RGS12: variants seen among roughly 807,000 people sequenced by gnomAD.
The protein encoded by RGS12 is regulator of G protein signaling 12.
Under a neutral mutation model 120.1 loss-of-function variants are expected in RGS12, and 66 were observed. That is an observed-to-expected ratio of 0.55 (90% CI 0.45 to 0.67). RGS12 has a LOEUF of 0.67. Ranked by LOEUF, RGS12 falls within the 30% of genes least tolerant of loss-of-function variation. The probability of loss-of-function intolerance (pLI) is 0.00; values close to 1 mark genes in which losing one functional copy is unlikely to be tolerated. For synonymous variants in RGS12, 827 were observed against 804.7 expected (o/e 1.03, Z -0.47); for missense variants, 1,859 against 1,957.7 (o/e 0.95, Z 0.95).
chr4:3,420,739 G>T (rs200901952), intron 10 of RGS12, 21 bp downstream of exon 10: 6 of 1,600,864 alleles, frequency 3.7e-6, no homozygotes, highest in African/African-American at 2.7e-5. Context: ...GTCTCCCCTC[G>T]TCCCACAGGC....
intron 2 of RGS12, among the ~76,000 whole-genome samples, chr4:3,331,498 C>T (rs771890318): frequency 1.4e-4 from 22 of 152,082 alleles, no homozygotes; most frequent in Non-Finnish European, 2.6e-4. Context: ...ACTGTACTTA[C>T]ATGGTGTAGC....
chr4:3,337,127 G>A (rs191539750), intron 2 of RGS12, among the ~76,000 whole-genome samples: 70 of 152,294 alleles, frequency 4.6e-4, no homozygotes, highest in Non-Finnish European at 8.8e-5. Context: ...TATTAGGCCA[G>A]CGCCAACTAA....
intron 2 of RGS12, chr4:3,324,201 C>G (rs1725405041): frequency 1.3e-5 from 2 of 153,328 alleles, no homozygotes; most frequent in Non-Finnish European, 2.9e-5. Context: ...GGGCTTGACG[C>G]CCTCGTCAGG....
chr4:3,402,781 A>C (rs1158869746), intron 4 of RGS12, among the ~76,000 whole-genome samples: 3 of 152,256 alleles, frequency 2.0e-5, no homozygotes, highest in African/African-American at 7.2e-5. Flanking sequence ...TATTTTATTC[A>C]TCAAAATGAA....
intron 4 of RGS12, among the ~76,000 whole-genome samples, chr4:3,401,187 C>T (rs1214009251): frequency 6.6e-6 from 1 of 152,084 alleles, no homozygotes; most frequent in Non-Finnish European, 1.5e-5. Context: ...TTTAAAAATT[C>T]GACAGACCAA....
intron 3 of RGS12, among the ~76,000 whole-genome samples, chr4:3,359,504 A>AAC (rs1715356752): frequency 7.4e-6 from 1 of 135,402 alleles, no homozygotes; most frequent in Non-Finnish European, 1.6e-5. Context: ...TGTTTGGTAG[A>AAC]ATTCACCAGT....
At chr4:3,329,687 T>G (rs1711623158) in intron 2 of RGS12, among the ~76,000 whole-genome samples, 1 of 152,248 alleles carries the variant, frequency 6.6e-6, no homozygotes, top group Non-Finnish European at 1.5e-5. Context: ...GACTGTTTAC[T>G]TAGAAATGAC....
Position 3,422,513 on chromosome 4 carries a change from T to C in RGS12, c.2976T>C (p.Cys992=). ...TCAAAGACATCCTGTCCGGACTCTG[T>C]GAGCGGCATGGCATCAACGGGGCGG... The part of the protein sequence containing the change: ...FSIKDILSGL[C]ERHGINGAAA... Residue 992 remains cysteine, a synonymous_variant, in exon 11 of 18, where the codon TGT becomes TGC. Coordinates refer to ENST00000336727, the MANE Select transcript of RGS12 (RefSeq NM_001394154.1). The C allele has an allele frequency of 6.2e-7, 1 of 1,612,920 alleles. No individual in the cohort carries two copies.
chr4:3,293,442 G>A (rs2110340362), intron 1 of RGS12, among the ~76,000 whole-genome samples: 1 of 145,238 alleles, frequency 6.9e-6, no homozygotes, highest in East Asian at 2.0e-4. Context: ...CCGCGGGGGC[G>A]GCGCCGGGCA....
intron 3 of RGS12, among the ~76,000 whole-genome samples, chr4:3,362,615 GA>G (rs1348417058): frequency 2.2e-5 from 3 of 139,136 alleles, no homozygotes; most frequent in East Asian, 2.3e-4. Flanking sequence ...AGGATGTCGT[GA>G]GGGGGTGTGT....
intron 6 of RGS12, 27 bp from the exon 7 acceptor site, chr4:3,415,951 G>C: frequency 6.3e-7 from 1 of 1,588,074 alleles, no homozygotes; most frequent in Non-Finnish European, 8.6e-7. Context: ...AAGCCTTGCC[G>C]GGCTGCTCAG....
chr4:3,298,945 T>C (rs1211324405), intron 1 of RGS12, among the ~76,000 whole-genome samples: 1 of 152,248 alleles, frequency 6.6e-6, no homozygotes, highest in African/African-American at 2.4e-5. Flanking sequence ...TTTCAACACC[T>C]GCATTACCTC....
At chr4:3,375,213 C>T (rs918269413) in intron 3 of RGS12, among the ~76,000 whole-genome samples, 17 of 152,112 alleles carry the variant, frequency 1.1e-4, no homozygotes, top group East Asian at 3.9e-4. Flanking sequence ...TATGAGGAAA[C>T]GTTTCCCTGG....
At chr4:3,352,930 C>T (rs747401995) in intron 3 of RGS12, among the ~76,000 whole-genome samples, 8 of 152,222 alleles carry the variant, frequency 5.3e-5, no homozygotes, top group Non-Finnish European at 1.0e-4. Flanking sequence ...TTCTGTCTGA[C>T]AGACAAGAGT....
intron 7 of RGS12, among the ~76,000 whole-genome samples, chr4:3,416,492 G>A (rs1296981611): frequency 6.6e-6 from 1 of 152,224 alleles, no homozygotes; most frequent in Non-Finnish European, 1.5e-5. Context: ...TTAGGCCCCA[G>A]GCTATTCGAG....
chr4:3,414,221 G>A lies in RGS12; in HGVS notation c.2170G>A (p.Val724Ile), dbSNP rs147160362. 3.6e-5 allele frequency: 56 copies of A among 1,544,502 alleles called. No homozygotes were observed. In the East Asian group the frequency reaches 6.5e-4, roughly 18 times the overall value. ...VSFERLLQDP[V>I]GVRYFSDFLR... is the part of the protein sequence containing the mutation. The stretch of plus-strand genomic sequence containing the variant: ...CTTTGAGCGCCTGCTGCAGGACCCC[G>A]TCGGTGTCCGCTACTTCTCTGTGAG... Residue 724 changes from valine (V) to isoleucine (I), a missense_variant, in exon 5 of 18, where the codon GTC becomes ATC. Transcript: ENST00000336727.
At chr4:3,403,937 C>T (rs962734039) in intron 4 of RGS12, among the ~76,000 whole-genome samples, 1 of 152,172 alleles carries the variant, frequency 6.6e-6, no homozygotes, top group South Asian at 2.1e-4. Flanking sequence ...TTTCACACCC[C>T]AGTATGAGGC....
intron 3 of RGS12, among the ~76,000 whole-genome samples, chr4:3,377,881 G>T (rs1414381884): frequency 6.6e-6 from 1 of 152,174 alleles, no homozygotes; most frequent in Non-Finnish European, 1.5e-5. Flanking sequence ...GTTTACTTGA[G>T]TGTAAATTCC....
chr4:3,361,604 C>T (rs562378307), intron 3 of RGS12, among the ~76,000 whole-genome samples: 3 of 152,196 alleles, frequency 2.0e-5, no homozygotes, highest in South Asian at 4.2e-4. Context: ...CATGAACTGG[C>T]GCCAGGTAGC....
Sources: allele counts gnomAD v4.1 joint callset (sites outside exome capture counted in the v4.1 genomes callset), GRCh38; gene constraint gnomAD v4.1.1; transcripts MANE v1.5; gene names NCBI Gene and HGNC (gene_info 2026-07-23, HGNC 2026-07-21).